MYOF: variants seen among roughly 807,000 people sequenced by gnomAD.
MYOF encodes myoferlin.
MYOF carries 244 observed loss-of-function variants against 284.2 expected under a neutral mutation model. The ratio of observed to expected loss-of-function variants is 0.86; its 90% confidence interval spans 0.77 to 0.95. The LOEUF is 0.95. Ranked by LOEUF, MYOF falls within the 40% of genes least tolerant of loss-of-function variation. The pLI is 0.00. For synonymous variants in MYOF, 904 were observed against 919.7 expected, an observed-to-expected ratio of 0.98 and a Z score of 0.31; for missense variants, 2,496 against 2,560.6, an observed-to-expected ratio of 0.97 and a Z score of 0.54.
chr10:93,421,175 C>T (rs1317811609), intron 5 of MYOF, among the ~76,000 whole-genome samples: 19 of 152,118 alleles, frequency 1.2e-4, no homozygotes, highest in Non-Finnish European at 2.6e-4. Flanking sequence ...CAAGATTACT[C>T]CACTGCGTTC....
chr10:93,466,739 C>T (rs2057016996), intron 1 of MYOF, among the ~76,000 whole-genome samples: 1 of 152,128 alleles, frequency 6.6e-6, no homozygotes, highest in Non-Finnish European at 1.5e-5. Flanking sequence ...TTTGGGAGGC[C>T]AGAGGTGGGA....
chr10:93,396,348 A>T (rs1388924192), intron 15 of MYOF, 124 bp from the exon 16 acceptor site: 1 of 658,098 alleles, frequency 1.5e-6, no homozygotes, highest in Admixed American at 3.2e-5. Context: ...GACTTCAGAA[A>T]TAATCACGTC....
rs561857116 is a variant in MYOF at position 93,341,979 on chromosome 10, G to A, written c.4327-1815C>T. ...ACATACTGCTTAAGCACTGGAATTG[G>A]AAGGTAATTGTTGAGATGGCCATGT... On this transcript the variant is annotated intron_variant, in intron 38 of 53. Transcript: ENST00000359263. The A allele has an allele frequency of 2.3e-6, 3 of 1,289,656 alleles. No homozygotes were observed. In the African/African-American group the frequency reaches 4.5e-5, roughly 20 times the overall value. The allele number at this position is 1,289,656 out of a possible 1,614,324, so 79.9% of individuals were successfully genotyped here.
At chr10:93,442,152 C>A (rs939211242) in intron 3 of MYOF, among the ~76,000 whole-genome samples, 1 of 152,030 alleles carries the variant, frequency 6.6e-6, no homozygotes, top group Non-Finnish European at 1.5e-5. Context: ...ATTTAATGAA[C>A]CTCTTTCAGC....
At chr10:93,424,461 T>G (rs769549193) in intron 5 of MYOF, among the ~76,000 whole-genome samples, 1 of 152,162 alleles carries the variant, frequency 6.6e-6, no homozygotes, top group Non-Finnish European at 1.5e-5. Flanking sequence ...TTGTTTGTTT[T>G]TTTTTGTCAT....
intron 5 of MYOF, among the ~76,000 whole-genome samples, chr10:93,415,884 C>A (rs560107053): frequency 1.3e-5 from 2 of 152,264 alleles, no homozygotes; most frequent in African/African-American, 4.8e-5. Flanking sequence ...ATTGACTCCA[C>A]GGTGCCCCCT....
At chr10:93,465,888 G>A (rs757207217) in intron 1 of MYOF, among the ~76,000 whole-genome samples, 41 of 152,280 alleles carry the variant, frequency 2.7e-4, no homozygotes, top group African/African-American at 6.7e-4. Context: ...GTGGAGCTCC[G>A]GAGGGCAGGG....
intron 43 of MYOF, among the ~76,000 whole-genome samples, chr10:93,331,427 C>T (rs977510336): frequency 2.5e-4 from 38 of 152,150 alleles, no homozygotes; most frequent in African/African-American, 8.7e-4. Context: ...AGGGTGCCTC[C>T]GAGCAAGACT....
intron 22 of MYOF, among the ~76,000 whole-genome samples, chr10:93,376,109 C>G (rs1845821764): frequency 6.6e-6 from 1 of 152,190 alleles, no homozygotes; most frequent in South Asian, 2.1e-4. Flanking sequence ...TTTGATTCCT[C>G]AAAAACAGCT....
intron 7 of MYOF, among the ~76,000 whole-genome samples, chr10:93,406,285 C>CTT (rs1176202957): frequency 0.015 from 333 of 21,854 alleles, 27 homozygotes; most frequent in Admixed American, 0.11. Context: ...TAGTAAACCT[C>CTT]TTTTATATAT....
intron 3 of MYOF, among the ~76,000 whole-genome samples, chr10:93,436,100 GAGA>G (rs913572804): frequency 3.9e-5 from 6 of 152,006 alleles, no homozygotes; most frequent in African/African-American, 9.7e-5. Context: ...AGTGTCAGGA[GAGA>G]AGGTTAGGCC....
At position 93,310,150 on chromosome 10, in the gene MYOF, AAGG is replaced by A; in HGVS notation, c.6014_6016del (p.Ser2005del). On this transcript the variant is annotated inframe_deletion, in exon 53 of 54. Transcript: ENST00000359263. ...CTTGCATGGGTTGGTGAACCAGAGG[AAGG>A]AGGTTTCTGGTCGACTGCATTGCAA... The A allele has an allele frequency of 6.2e-7, 1 of 1,614,102 alleles. No homozygotes were observed. Among genetic ancestry groups the A allele is most frequent in the African/African-American group, 1.3e-5 (1 of 75,042 alleles).
At chr10:93,356,244 C>T (rs17108542) in intron 30 of MYOF, among the ~76,000 whole-genome samples, 8,598 of 152,194 alleles carry the variant, frequency 0.056, 630 homozygotes, top group African/African-American at 0.18. Context: ...TATGTTCTTC[C>T]GTATTGCTCT....
chr10:93,351,599 C>G, intron 33 of MYOF, 28 bp from the exon 34 acceptor site: 1 of 1,611,596 alleles, frequency 6.2e-7, no homozygotes, highest in South Asian at 1.1e-5. Flanking sequence ...TCCTTAAATT[C>G]CCCGACAATC....
chr10:93,355,609 A>T lies in MYOF; in HGVS notation c.3403+19T>A. On this transcript the variant is annotated intron_variant, in intron 31 of 53. Coordinates refer to ENST00000359263, the MANE Select transcript of MYOF (RefSeq NM_013451.4). Reference sequence around the variant, plus strand: ...AAATAAAATAAAATAAAATAAATCAAAAATAAAACAAAACTCACTGTCAAA... The same window carrying T: ...AAATAAAATAAAATAAAATAAATCATAAATAAAACAAAACTCACTGTCAAA... 1.3e-6 allele frequency: 2 copies of T among 1,573,134 alleles called. No homozygotes were observed. The highest frequency in any genetic ancestry group is 1.1e-5 in the South Asian group (1 of 87,290).
intron 18 of MYOF, 33 bp downstream of exon 18, chr10:93,388,997 C>A: frequency 1.8e-5 from 29 of 1,604,646 alleles, no homozygotes; most frequent in Non-Finnish European, 2.4e-5. Context: ...TTAACCAATG[C>A]TGATTAATAA....
At chr10:93,350,515 G>A (rs1428988832) in intron 35 of MYOF, among the ~76,000 whole-genome samples, 1 of 152,122 alleles carries the variant, frequency 6.6e-6, no homozygotes, top group African/African-American at 2.4e-5. Flanking sequence ...GTTCCACCAT[G>A]TTGACCGGGT....
chr10:93,313,951 GT>G (rs1842501071), intron 50 of MYOF, among the ~76,000 whole-genome samples: 1 of 152,144 alleles, frequency 6.6e-6, no homozygotes, highest in African/African-American at 2.4e-5. Context: ...AAATGTGCAT[GT>G]CCAAGACTCT....
intron 5 of MYOF, among the ~76,000 whole-genome samples, chr10:93,423,009 A>T (rs1373564560): frequency 1.3e-5 from 2 of 152,196 alleles, no homozygotes; most frequent in East Asian, 3.9e-4. Context: ...ATTGTCTTTT[A>T]TCTGCCAGTG....
Sources: allele counts gnomAD v4.1 joint callset (sites outside exome capture counted in the v4.1 genomes callset), GRCh38; gene constraint gnomAD v4.1.1; transcripts MANE v1.5; gene names NCBI Gene and HGNC (gene_info 2026-07-23, HGNC 2026-07-21).